The following SND1 variants were observed in gnomAD, a reference collection of about 807,000 sequenced individuals.
SND1 encodes the protein staphylococcal nuclease and tudor domain containing 1, also known as staphylococcal nuclease domain-containing protein 1.
A neutral mutation model predicts 121.7 loss-of-function variants in SND1; 38 were observed. The observed-to-expected ratio is 0.31, with a 90% CI of 0.24 to 0.41. The LOEUF (loss-of-function observed/expected upper bound fraction) is 0.41, where lower values mean the gene tolerates loss of function less well. Ranked by LOEUF, SND1 falls within the 10% of genes least tolerant of loss-of-function variation. The pLI, the probability that SND1 is intolerant of heterozygous loss-of-function variation, is 1.00. For missense variants in SND1, 868 were observed against 1,184.6 expected, an observed-to-expected ratio of 0.73 and a Z score of 3.92; for synonymous variants, 401 against 447.4, an observed-to-expected ratio of 0.90 and a Z score of 1.31.
intron 10 of SND1, among the ~76,000 whole-genome samples, chr7:127,756,879 A>G (rs945239935): frequency 1.3e-5 from 2 of 152,220 alleles, no homozygotes; most frequent in East Asian, 3.8e-4. Context: ...TTAAATATAA[A>G]TGGTATTAAT....
intron 15 of SND1, among the ~76,000 whole-genome samples, chr7:127,959,195 G>A (rs1801670982): frequency 6.6e-6 from 1 of 152,172 alleles, no homozygotes; most frequent in Non-Finnish European, 1.5e-5. Flanking sequence ...TACTCTGTGA[G>A]GAAACGGGAT....
At chr7:127,718,776 C>T (rs950185933) in intron 9 of SND1, 2 of 981,158 alleles carry the variant, frequency 2.0e-6, no homozygotes, top group Admixed American at 6.1e-5. Context: ...CACTATGATA[C>T]TTTCTTTGGT....
intron 16 of SND1, among the ~76,000 whole-genome samples, chr7:128,026,689 T>C: frequency 6.6e-6 from 1 of 152,200 alleles, no homozygotes; most frequent in East Asian, 1.9e-4. Context: ...GTCCCCCAGG[T>C]TCCTCGGGTA....
chr7:127,744,346 G>A (rs1196800315), intron 10 of SND1, among the ~76,000 whole-genome samples: 2 of 151,774 alleles, frequency 1.3e-5, no homozygotes, highest in East Asian at 1.9e-4. Context: ...TTCCCTTTGT[G>A]TATATATACT....
intron 10 of SND1, among the ~76,000 whole-genome samples, chr7:127,766,147 C>T (rs1217284919): frequency 6.6e-6 from 1 of 152,186 alleles, no homozygotes; most frequent in African/African-American, 2.4e-5. Context: ...GAGGACGCCA[C>T]ACTCCTCCCC....
At chr7:127,935,725 A>G (rs1000073241) in intron 15 of SND1, among the ~76,000 whole-genome samples, 1 of 152,236 alleles carries the variant, frequency 6.6e-6, no homozygotes, top group African/African-American at 2.4e-5. Flanking sequence ...TTGTCCTGCT[A>G]GAGCTTTGCA....
intron 15 of SND1, among the ~76,000 whole-genome samples, chr7:127,951,152 G>A (rs1263003609): frequency 6.6e-6 from 1 of 152,096 alleles, no homozygotes; most frequent in South Asian, 2.1e-4. Context: ...CAATAGCCAA[G>A]ATAATTCAAA....
At chr7:127,841,537 A>G (rs566880965) in intron 11 of SND1, among the ~76,000 whole-genome samples, 12 of 152,160 alleles carry the variant, frequency 7.9e-5, no homozygotes, top group African/African-American at 2.9e-4. Context: ...GACTCCAGCT[A>G]TCTTGTTGTT....
rs148896321 is a variant in SND1, at chr7:128,063,552, G to C, written c.1780-10950G>C. Among the ~76,000 whole-genome samples, 435 of 152,268 alleles carry C rather than the reference G, an allele frequency of 2.9e-3. 5 individuals are homozygous for C. Among genetic ancestry groups the C allele is most frequent in the Non-Finnish European group, 4.0e-3 (269 of 68,012 alleles). On this transcript the variant is annotated intron_variant, in intron 16 of 23. Coordinates refer to ENST00000354725, the MANE Select transcript of SND1 (RefSeq NM_014390.4). ...ACCCAAAGGTAGTATTCTGTCCAGGGACTTTCCTTCTCCCACGTCACTGCT... is the reference window on the plus strand; with the variant it reads ...ACCCAAAGGTAGTATTCTGTCCAGGCACTTTCCTTCTCCCACGTCACTGCT...
intron 16 of SND1, among the ~76,000 whole-genome samples, chr7:128,016,948 C>T (rs1272447589): frequency 6.6e-6 from 1 of 152,206 alleles, no homozygotes; most frequent in East Asian, 1.9e-4. Context: ...TAGGCATAGG[C>T]CAGGTTCTTG....
chr7:127,793,246 A>G (rs1393656861), intron 10 of SND1, among the ~76,000 whole-genome samples: 1 of 152,142 alleles, frequency 6.6e-6, no homozygotes, highest in Non-Finnish European at 1.5e-5. Context: ...GACGATAGAA[A>G]CTGTCATAGG....
chr7:128,048,797 T>G (rs1348321463), intron 16 of SND1, among the ~76,000 whole-genome samples: 1 of 152,098 alleles, frequency 6.6e-6, no homozygotes, highest in African/African-American at 2.4e-5. Flanking sequence ...CTGTAAGAGA[T>G]CCTCAGTTCT....
chr7:127,656,409 A>G (rs950958743), intron 1 of SND1, among the ~76,000 whole-genome samples: 1 of 144,416 alleles, frequency 6.9e-6, no homozygotes, highest in Non-Finnish European at 1.5e-5. Context: ...TGCAACCTCC[A>G]CCTCTTGGGT....
At chr7:127,684,797 T>C (rs1271222314) in intron 1 of SND1, among the ~76,000 whole-genome samples, 1 of 152,186 alleles carries the variant, frequency 6.6e-6, no homozygotes, top group Admixed American at 6.5e-5. Context: ...CCATGGTATA[T>C]AACCAGGGAT....
At chr7:127,792,557 G>A (rs997739971) in intron 10 of SND1, among the ~76,000 whole-genome samples, 1 of 152,206 alleles carries the variant, frequency 6.6e-6, no homozygotes, top group Non-Finnish European at 1.5e-5. Context: ...ACATGATGCA[G>A]CTCCTACCCT....
chr7:127,663,843 G>A (rs1795362488), intron 1 of SND1, among the ~76,000 whole-genome samples: 1 of 152,198 alleles, frequency 6.6e-6, no homozygotes, highest in African/African-American at 2.4e-5. Context: ...AGTGCAGATA[G>A]ACAGGTGGAG....
At chr7:127,802,912 C>T (rs903276361) in intron 10 of SND1, among the ~76,000 whole-genome samples, 2 of 152,212 alleles carry the variant, frequency 1.3e-5, no homozygotes, top group Non-Finnish European at 2.9e-5. Context: ...CGTCTTCTTT[C>T]AGAATGTATC....
chr7:128,032,370 G>C (rs1430631094), intron 16 of SND1, among the ~76,000 whole-genome samples: 1 of 151,380 alleles, frequency 6.6e-6, no homozygotes, highest in Non-Finnish European at 1.5e-5. Context: ...GAGCGGAGCG[G>C]GGCCAGGGCG....
chr7:128,034,632 C>G (rs564445875), intron 16 of SND1, among the ~76,000 whole-genome samples: 48 of 152,180 alleles, frequency 3.2e-4, no homozygotes, highest in Non-Finnish European at 5.3e-4. Flanking sequence ...CGAGTTGGGT[C>G]AGACCAGTAC....
Sources: gnomAD v4.1 joint callset for allele counts (sites outside exome capture counted in the v4.1 genomes callset) on GRCh38, gnomAD v4.1.1 for gene constraint, MANE v1.5 for transcripts, NCBI Gene and HGNC (gene_info 2026-07-23, HGNC 2026-07-21) for gene names.